Variants in QTRT2 observed in about 807,000 individuals in gnomAD.
QTRT2 encodes the protein queuine tRNA-ribosyltransferase domain containing 1.
A neutral mutation model predicts 44.8 loss-of-function variants in QTRT2; 32 were observed. The observed-to-expected ratio is 0.71, with a 90% CI of 0.54 to 0.96. The LOEUF (loss-of-function observed/expected upper bound fraction) is 0.96. Ranked by LOEUF, QTRT2 falls within the 40% of genes least tolerant of loss-of-function variation. The pLI, the probability that QTRT2 is intolerant of heterozygous loss-of-function variation, is 0.00. For synonymous variants in QTRT2, 182 were observed against 187.4 expected (o/e 0.97, Z 0.24); for missense variants, 461 against 503.1 (o/e 0.92, Z 0.80).
At position 114,056,869 on chromosome 3, in the gene QTRT2, G is replaced by A. The variant is rs959527482; in HGVS notation, c.-130+5G>A. The A allele has an allele frequency of 2.0e-6, 3 of 1,535,814 alleles. No individual in the cohort carries two copies. The highest frequency in any genetic ancestry group is 2.6e-6 in the Non-Finnish European group (3 of 1,146,778). On this transcript the variant is annotated splice_donor_5th_base_variant and intron_variant, in intron 1 of 9. Coordinates refer to ENST00000281273, the MANE Select transcript of QTRT2 (RefSeq NM_024638.4). ...AGTCGAATGGTTTGTTGGCAGGTAA[G>A]TGCCCCTTTGCCCTGCTGGTGTGGG...
In QTRT2 at chr3:114,066,232, G is replaced by A; in HGVS notation, c.205G>A (p.Glu69Lys). Residue 69 changes from glutamate (E) to lysine (K), a missense_variant, in exon 4 of 10, where the codon GAA becomes AAA. Transcript: ENST00000281273. ...MAQLTLSSLA[E>K]HHEVLTEYKE... Reference sequence around the variant, plus strand: ...ATTTTTCTGTTTTGCTTACAGAGCAGAACATCATGAAGTCTTGACAGAATA... The same window carrying A: ...ATTTTTCTGTTTTGCTTACAGAGCAAAACATCATGAAGTCTTGACAGAATA... The A allele has an allele frequency of 6.2e-7, 1 of 1,603,798 alleles. No individual in the cohort carries two copies. The highest frequency in any genetic ancestry group is 8.5e-7 in the Non-Finnish European group (1 of 1,171,014).
rs1396213742 is a variant in QTRT2, at chr3:114,076,747, T to G, written c.551T>G (p.Leu184Arg). 4 of 1,614,138 alleles carry G rather than the reference T, an allele frequency of 2.5e-6. No individual in the cohort carries two copies. Among genetic ancestry groups the G allele is most frequent in the Non-Finnish European group, 3.4e-6 (4 of 1,179,942 alleles). ...ATATCATCCTTCTTACCTCAGGTTC[T>G]TCAGAAGAGTGTGATCATTGGAGTG... is the stretch of plus-strand genomic sequence containing the variant. Reference protein sequence around the residue: ...CLRLQEESEVLQKSVIIGVIE... With the variant: ...CLRLQEESEVRQKSVIIGVIE... The change falls in exon 7 of 10, where the codon CTT becomes CGT. Residue 184 changes from leucine to arginine, a missense_variant. Coordinates refer to ENST00000281273, the MANE Select transcript of QTRT2 (RefSeq NM_024638.4).
At position 114,085,662 on chromosome 3, in the gene QTRT2, T is replaced by G; in HGVS notation, c.1017-11T>G. ...GTACTTTCTGGAATGTCACTGTGACTTCTTTCTTAGGTACCAGGAGGACTT... is the reference window on the plus strand; with the variant it reads ...GTACTTTCTGGAATGTCACTGTGACGTCTTTCTTAGGTACCAGGAGGACTT... On this transcript the variant is annotated splice_polypyrimidine_tract_variant and intron_variant, in intron 9 of 9. Transcript: ENST00000281273. The G allele has an allele frequency of 6.2e-7, 1 of 1,609,360 alleles. No homozygotes were observed. Among genetic ancestry groups the G allele is most frequent in the Non-Finnish European group, 8.5e-7 (1 of 1,175,592 alleles).
chr3:114,079,816 A>AT (rs2077142003), intron 7 of QTRT2, 90 bp from the exon 8 acceptor site: 2 of 1,252,852 alleles, frequency 1.6e-6, no homozygotes, highest in South Asian at 1.2e-5. Context: ...CATTATTACT[A>AT]TTTTTTTAGT....
Position 114,065,305 on chromosome 3 carries a change from A to G in QTRT2, c.48A>G (p.Lys16=), listed in dbSNP as rs1395000939. The G allele has an allele frequency of 6.2e-7, 1 of 1,613,970 alleles. No individual in the cohort carries two copies. The highest frequency in any genetic ancestry group is 8.5e-7 in the Non-Finnish European group (1 of 1,180,014). Reference sequence around the variant, plus strand: ...TAGTTAATGGCTGTCGCCTAGGAAAAATAAAAAACCTGGGCAAAACAGGGG... The same window carrying G: ...TAGTTAATGGCTGTCGCCTAGGAAAGATAAAAAACCTGGGCAAAACAGGGG... The part of the protein sequence containing the change: ...TKVVNGCRLG[K]IKNLGKTGDH... The change falls in exon 3 of 10, where the codon AAA becomes AAG. Residue 16 remains lysine (K), a synonymous_variant. Transcript: ENST00000281273.
In QTRT2 at chr3:114,063,726, A is replaced by T. The variant is rs1248758058; in HGVS notation, c.-21-1511A>T. 3.3e-5 allele frequency among the ~76,000 whole-genome samples: 5 copies of T among 152,070 alleles called. No homozygotes were observed. In the South Asian group the frequency reaches 1.0e-3, roughly 31 times the overall value. The stretch of plus-strand genomic sequence containing the variant: ...AAGTAGTTATTCTTTTTTTTTAAGA[A>T]AGTAGTTATTCTTATGTCTAAGATT... On this transcript the variant is annotated intron_variant, in intron 2 of 9. Transcript: ENST00000281273.
chr3:114,086,453 A>G lies in QTRT2; in HGVS notation c.*549A>G, dbSNP rs1343994991. ...GCTCTTGTGACTTAACTGGGCTTGG[A>G]TATCCCTGGAATGTGGGGCTTGAAC... On this transcript the variant is annotated 3_prime_UTR_variant, in exon 10 of 10. Coordinates refer to ENST00000281273, the MANE Select transcript of QTRT2 (RefSeq NM_024638.4). 6.2e-6 allele frequency: 1 copy of G among 160,852 alleles called. No individual in the cohort carries two copies. The highest frequency in any genetic ancestry group is 1.7e-4 in the East Asian group (1 of 5,732). The allele number at this position is 160,852 out of a possible 1,614,324, so 10.0% of individuals were successfully genotyped here.
chr3:114,064,148 G>T (rs762660350), intron 2 of QTRT2, among the ~76,000 whole-genome samples: 7 of 152,106 alleles, frequency 4.6e-5, no homozygotes, highest in Non-Finnish European at 1.0e-4. Context: ...CCGAGAAGCA[G>T]AGGTTACAGT....
intron 9 of QTRT2, among the ~76,000 whole-genome samples, chr3:114,083,314 C>CTGCTGTTGT (rs2077192421): frequency 6.7e-6 from 1 of 150,184 alleles, no homozygotes; most frequent in African/African-American, 2.5e-5. Context: ...GTTGCTGCTG[C>CTGCTGTTGT]TGTTGTTGTT....
In QTRT2 at chr3:114,071,821, C is replaced by T. The variant is rs78845414; in HGVS notation, c.546+983C>T. Among the ~76,000 whole-genome samples the T allele has an allele frequency of 1.3e-3, 200 of 152,274 alleles. 4 individuals carry two copies. In the East Asian group the frequency reaches 0.035, roughly 27 times the overall value. ...CAATCCATCTTTCAGCCCTGTTATC[C>T]AAAAGATCTTTGTAAAGCACAAACA... is the stretch of plus-strand genomic sequence containing the variant. On this transcript the variant is annotated intron_variant, in intron 6 of 9. Transcript: ENST00000281273.
chr3:114,075,974 G>A (rs560353557), intron 6 of QTRT2, among the ~76,000 whole-genome samples: 2 of 152,130 alleles, frequency 1.3e-5, no homozygotes, highest in African/African-American at 2.4e-5. Context: ...AAAATGGATG[G>A]TGTGTAGTAG....
chr3:114,085,073 G>A (rs762811400), intron 9 of QTRT2, among the ~76,000 whole-genome samples: 1 of 152,164 alleles, frequency 6.6e-6, no homozygotes, highest in Non-Finnish European at 1.5e-5. Context: ...CTTTTACAAT[G>A]TGATTAGTAA....
At chr3:114,079,379 T>A (rs1577543648) in intron 7 of QTRT2, 1 of 153,244 alleles carries the variant, frequency 6.5e-6, no homozygotes, top group East Asian at 1.9e-4. Flanking sequence ...CCATCTCTAC[T>A]AAAAATATAA....
In QTRT2 at chr3:114,085,932, C is replaced by T; in HGVS notation, c.*28C>T. 1 of 1,498,346 alleles carries T rather than the reference C, an allele frequency of 6.7e-7. No homozygotes were observed. Among genetic ancestry groups the T allele is most frequent in the Non-Finnish European group, 9.3e-7 (1 of 1,075,050 alleles). The allele number at this position is 1,498,346 out of a possible 1,614,324, so 92.8% of individuals were successfully genotyped here. On this transcript the variant is annotated 3_prime_UTR_variant, in exon 10 of 10. Transcript: ENST00000281273. ...TCTTGCAAATACAAGTCTCACTCTT[C>T]ACACTGAGCCTGTACCACTGTTGTA...
At chr3:114,080,379 T>C (rs58201670) in intron 8 of QTRT2, among the ~76,000 whole-genome samples, 3,839 of 152,324 alleles carry the variant, frequency 0.025, 144 homozygotes, top group African/African-American at 0.088. Flanking sequence ...AACTGCTTGG[T>C]AAAAGTTAAC....
chr3:114,070,997 T>C (rs1283224229), intron 6 of QTRT2, among the ~76,000 whole-genome samples, 159 bp downstream of exon 6: 2 of 152,236 alleles, frequency 1.3e-5, no homozygotes, highest in Non-Finnish European at 2.9e-5. Flanking sequence ...TTAAGTATTA[T>C]TGTTCTCTAG....
At chr3:114,082,271 T>TTTG (rs10642268) in intron 8 of QTRT2, among the ~76,000 whole-genome samples, 77,218 of 147,548 alleles carry the variant, frequency 0.52, 20,292 homozygotes, top group East Asian at 0.58. Context: ...ACAGTTAACT[T>TTTG]TTGGTTTATT....
intron 5 of QTRT2, among the ~76,000 whole-genome samples, chr3:114,069,610 A>G (rs1283320891): frequency 3.3e-5 from 5 of 152,140 alleles, no homozygotes; most frequent in Non-Finnish European, 7.4e-5. Flanking sequence ...ATCCCATGGT[A>G]TATATGTACC....
intron 2 of QTRT2, among the ~76,000 whole-genome samples, chr3:114,064,381 A>T (rs1012495173): frequency 2.6e-5 from 4 of 152,156 alleles, no homozygotes; most frequent in Non-Finnish European, 4.4e-5. Context: ...ATGTCTGGTG[A>T]CATTTAGCCG....
Sources: gnomAD v4.1 joint callset for allele counts (sites outside exome capture counted in the v4.1 genomes callset) on GRCh38, gnomAD v4.1.1 for gene constraint, MANE v1.5 for transcripts, NCBI Gene and HGNC (gene_info 2026-07-23, HGNC 2026-07-21) for gene names.